Variants in WDR31 observed in about 807,000 individuals in gnomAD.
WDR31 encodes WD repeat domain 31, also known as WD repeat-containing protein 31.
Under a neutral mutation model 47.3 loss-of-function variants are expected in WDR31, and 30 were observed. That is an observed-to-expected ratio of 0.63 (90% CI 0.47 to 0.86). The LOEUF is 0.86. Among genes scored for constraint, WDR31 ranks in the 40% least tolerant of loss-of-function variants. The probability of loss-of-function intolerance (pLI) is 0.00; values close to 1 mark genes in which losing one functional copy is unlikely to be tolerated. For missense variants in WDR31, 406 were observed against 442.9 expected (o/e 0.92, Z 0.75); for synonymous variants, 137 against 159.4 (o/e 0.86, Z 1.06).
chr9:113,322,664 G>T, intron 7 of WDR31, 147 bp downstream of exon 7: 1 of 660,398 alleles, frequency 1.5e-6, no homozygotes, highest in Non-Finnish European at 2.6e-6. Context: ...ACCCTGAGAG[G>T]CCAGGGTCTC....
At chr9:113,318,685 A>G (rs753496878) in intron 9 of WDR31, 48 bp from the exon 10 acceptor site, 72 of 1,596,166 alleles carry the variant, frequency 4.5e-5, no homozygotes, top group Admixed American at 1.0e-4. Flanking sequence ...GTCTAGCTTC[A>G]TCCATGAATA....
Position 113,332,203 on chromosome 9 carries a change from A to G in WDR31, c.-28-153T>C, listed in dbSNP as rs116495674. 6.0e-3 allele frequency among the ~76,000 whole-genome samples: 907 copies of G among 152,364 alleles called. 10 individuals are homozygous for G. The highest frequency in any genetic ancestry group is 0.021 in the African/African-American group (862 of 41,584). ...CTTACAGCCCTGAGGTTGCAGACAC[A>G]CAAAAACAAAACTGATTTTAAAAAA... On this transcript the variant is annotated intron_variant, in intron 2 of 10. Coordinates refer to ENST00000374193, the MANE Select transcript of WDR31 (RefSeq NM_001012361.4).
At chr9:113,339,792 G>A (rs1833791685) in intron 1 of WDR31, among the ~76,000 whole-genome samples, 1 of 152,230 alleles carries the variant, frequency 6.6e-6, no homozygotes. Flanking sequence ...CCAGGCTGGA[G>A]TGCAGTGGCG....
At position 113,331,073 on chromosome 9, in the gene WDR31, A is replaced by G. The variant is rs369659824; in HGVS notation, c.160T>C (p.Phe54Leu). The G allele has an allele frequency of 2.9e-5, 46 of 1,603,674 alleles. No individual in the cohort carries two copies. Among genetic ancestry groups the G allele is most frequent in the Non-Finnish European group, 3.7e-5 (43 of 1,173,268 alleles). The part of the protein sequence containing the change: ...IIEERIQTKA[F>L]QEYSPAHMDT... The stretch of plus-strand genomic sequence containing the variant: ...ATGTGAGCTGGGCTATACTCTTGAA[A>G]AGCTTTAGTTTGAATTCTCTCTTCT... Residue 54 changes from phenylalanine (F) to leucine (L), a missense_variant, in exon 4 of 11, where the codon TTT becomes CTT. Phe to Leu is a conservative substitution (Grantham distance 22, BLOSUM62 0). Coordinates refer to ENST00000374193, the MANE Select transcript of WDR31 (RefSeq NM_001012361.4).
Position 113,328,988 on chromosome 9 carries a change from C to CA in WDR31, c.250-34dup, listed in dbSNP as rs113514118. ...GAGTGAAGATTGTAGTTTCATTACT[C>CA]AATTCTTGTTAAAGTGACACTAGCC... On this transcript the variant is annotated intron_variant, in intron 4 of 10. Coordinates refer to ENST00000374193, the MANE Select transcript of WDR31 (RefSeq NM_001012361.4). The CA allele has an allele frequency of 4.3e-3, 6,732 of 1,582,208 alleles. 257 individuals carry two copies. In the African/African-American group the frequency reaches 0.078, roughly 18 times the overall value.
intron 4 of WDR31, 117 bp downstream of exon 4, chr9:113,330,867 C>G (rs1196920119): frequency 1.7e-6 from 2 of 1,177,240 alleles, no homozygotes; most frequent in Non-Finnish European, 2.3e-6. Flanking sequence ...AACTCTAAAG[C>G]CAATATTTTT....
At position 113,336,433 on chromosome 9, in the gene WDR31, T is replaced by G. The variant is rs935413608; in HGVS notation, c.-174A>C. ...AGTTAATCTCTTCTCTGTCTAAGCA[T>G]GTTTGCACTGAAAAGAGATTTACAA... On this transcript the variant is annotated 5_prime_UTR_variant, in exon 2 of 11. It removes an upstream start codon present in the reference 5' UTR. Coordinates refer to ENST00000374193, the MANE Select transcript of WDR31 (RefSeq NM_001012361.4). The G allele has an allele frequency of 1.3e-5, 2 of 152,236 alleles. No individual in the cohort carries two copies. The highest frequency in any genetic ancestry group is 4.8e-5 in the African/African-American group (2 of 41,468). 9.4% of individuals were successfully genotyped at this position (152,236 alleles called of 1,614,324 possible). A position where few individuals can be genotyped will look rare whatever the true frequency, so the allele number is the denominator to read the frequency against.
intron 4 of WDR31, among the ~76,000 whole-genome samples, chr9:113,330,163 C>T (rs112331261): frequency 0.022 from 3,371 of 152,012 alleles, 132 homozygotes; most frequent in African/African-American, 0.077. Flanking sequence ...GACAGTGGCC[C>T]GATCTCGGCT....
chr9:113,337,492 A>C (rs1833742504), intron 1 of WDR31, among the ~76,000 whole-genome samples: 1 of 147,318 alleles, frequency 6.8e-6, no homozygotes, highest in Non-Finnish European at 1.5e-5. Flanking sequence ...TTTAGACAGA[A>C]TCTTACTATA....
At chr9:113,331,795 G>A in intron 3 of WDR31, 112 bp downstream of exon 3, 2 of 946,210 alleles carry the variant, frequency 2.1e-6, no homozygotes, top group Non-Finnish European at 3.2e-6. Context: ...TTCAGGGAAG[G>A]CCAACTATTC....
In WDR31 at chr9:113,320,448, T is replaced by C; in HGVS notation, c.689A>G (p.Gln230Arg). The C allele has an allele frequency of 1.9e-6, 3 of 1,614,242 alleles. No homozygotes were observed. The highest frequency in any genetic ancestry group is 1.7e-6 in the Non-Finnish European group (2 of 1,180,026). ...GACTTCACAGTAGGTCTGAATGTGC[T>C]GCTTTGCAGGAAACATATGAGCTAC... ...LQVAHMFPAK[Q>R]HIQTYCEVSV... The change falls in exon 9 of 11, where the codon CAG (glutamine) becomes CGG (arginine). Residue 230 changes from glutamine (Q) to arginine (R), a missense_variant. Transcript: ENST00000374193.
At chr9:113,317,091 C>G (rs142935002) in intron 10 of WDR31, among the ~76,000 whole-genome samples, 182 bp from the exon 11 acceptor site, 9 of 152,350 alleles carry the variant, frequency 5.9e-5, no homozygotes, top group African/African-American at 1.4e-4. Flanking sequence ...AACTCCATGA[C>G]TTCAATGGTA....
intron 4 of WDR31, among the ~76,000 whole-genome samples, chr9:113,329,733 G>A (rs1167937773): frequency 6.6e-6 from 1 of 151,790 alleles, no homozygotes; most frequent in East Asian, 1.9e-4. Flanking sequence ...CAGCACTTTG[G>A]GAGGCTGAGG....
intron 2 of WDR31, among the ~76,000 whole-genome samples, chr9:113,334,703 C>CTTTTT (rs71367719): frequency 3.5e-4 from 22 of 63,010 alleles, no homozygotes; most frequent in Middle Eastern, 0.015. Context: ...CTACATCAGG[C>CTTTTT]TTTTTTTTTT....
rs539495234 is a variant in WDR31, at chr9:113,331,790, G to C, written c.116+117C>G. The C allele has an allele frequency of 7.8e-6, 7 of 899,376 alleles. No homozygotes were observed. The South Asian group carries it at 1.1e-4, about 14-fold the overall frequency. 55.7% of individuals were successfully genotyped at this position (899,376 alleles called of 1,614,324 possible). On this transcript the variant is annotated intron_variant, in intron 3 of 10. Coordinates refer to ENST00000374193, the MANE Select transcript of WDR31 (RefSeq NM_001012361.4). ...AAAGAAAACACACTAAACTATTCAG[G>C]GAAGGCCAACTATTCAGGGAAGGCC...
chr9:113,322,040 A>G (rs1833336531), intron 7 of WDR31, among the ~76,000 whole-genome samples: 1 of 151,914 alleles, frequency 6.6e-6, no homozygotes, highest in Non-Finnish European at 1.5e-5. Flanking sequence ...ACCAATATAG[A>G]GGGCATGGGG....
chr9:113,320,213 G>T, intron 9 of WDR31, 144 bp downstream of exon 9: 2 of 1,083,370 alleles, frequency 1.8e-6, no homozygotes, highest in Non-Finnish European at 2.6e-6. Context: ...CAACTGGAAT[G>T]CAAAGGATCA....
intron 2 of WDR31, among the ~76,000 whole-genome samples, chr9:113,334,755 CCATTTTTTGGCAAGGCTAGT>C (rs1833683241): frequency 6.9e-6 from 1 of 144,404 alleles, no homozygotes; most frequent in Admixed American, 7.0e-5. Flanking sequence ...CAGGGTTTCA[CCATTTTTTGGCAAGGCTAGT>C]CTCAAACCCC....
chr9:113,318,325 T>C, intron 10 of WDR31, 150 bp downstream of exon 10: 1 of 831,794 alleles, frequency 1.2e-6, no homozygotes, highest in Non-Finnish European at 1.9e-6. Context: ...ATACAGGGGA[T>C]AGCATCTTGA....
Sources: allele counts gnomAD v4.1 joint callset (sites outside exome capture counted in the v4.1 genomes callset), GRCh38; gene constraint gnomAD v4.1.1; transcripts MANE v1.5; gene names NCBI Gene and HGNC (gene_info 2026-07-23, HGNC 2026-07-21).